The following SMARCAL1 variants were observed in gnomAD, a reference collection of about 807,000 sequenced individuals.
The protein encoded by SMARCAL1 is ATP-driven annealing helicase.
Under a neutral mutation model 94.5 loss-of-function variants are expected in SMARCAL1, and 58 were observed. The observed-to-expected ratio is 0.61, with a 90% CI of 0.50 to 0.76. The LOEUF is 0.76. Ranked by LOEUF, SMARCAL1 falls within the 30% of genes least tolerant of loss-of-function variation. The pLI is 0.00. For missense variants in SMARCAL1, 1,051 were observed against 1,177.9 expected (o/e 0.89, Z 1.58); for synonymous variants, 422 against 455.1 (o/e 0.93, Z 0.93).
rs528033845 is a variant in SMARCAL1, at chr2:216,475,413, G to A, written c.2389G>A (p.Asp797Asn). The A allele has an allele frequency of 1.5e-5, 25 of 1,614,210 alleles. No homozygotes were observed. The East Asian group carries it at 4.2e-4, about 27-fold the overall frequency. ...ANMGLTFSSA[D>N]LVVFAELFWN... ...TATGGGCCTCACCTTCTCCTCGGCT[G>A]ACCTGGTGGTGTTTGCTGAGCTGTT... The change falls in exon 15 of 18, where the codon GAC becomes AAC. Residue 797 changes from aspartate (D) to asparagine (N), a missense_variant. Asp to Asn is a conservative substitution (Grantham distance 23, BLOSUM62 1). Coordinates refer to ENST00000357276, the MANE Select transcript of SMARCAL1 (RefSeq NM_014140.4). The surrounding 1 kb of genome is among the most constrained non-coding windows in gnomAD (Gnocchi z 4.4).
chr2:216,476,332 T>G (rs561442015), intron 15 of SMARCAL1, among the ~76,000 whole-genome samples: 1 of 152,108 alleles, frequency 6.6e-6, no homozygotes, highest in East Asian at 1.9e-4. Context: ...TTCTTTTGCT[T>G]TTTTGAGACA....
intron 10 of SMARCAL1, 118 bp from the exon 11 acceptor site, chr2:216,446,900 G>A (rs557867724): frequency 7.7e-5 from 91 of 1,177,102 alleles, no homozygotes; most frequent in Non-Finnish European, 9.2e-5. Context: ...TTAGGTTCTC[G>A]CGACACGCAC....
At chr2:216,447,426 G>C (rs1184966576) in intron 11 of SMARCAL1, among the ~76,000 whole-genome samples, 3 of 152,096 alleles carry the variant, frequency 2.0e-5, no homozygotes, top group African/African-American at 4.8e-5. Flanking sequence ...TGATGTGTAG[G>C]TATGTGGAGC....
At chr2:216,439,592 G>T (rs1201965014) in intron 10 of SMARCAL1, among the ~76,000 whole-genome samples, 1 of 152,114 alleles carries the variant, frequency 6.6e-6, no homozygotes, top group Admixed American at 6.5e-5. Context: ...AAACAAATAC[G>T]CTGAATGTTA....
rs1220002652 is a variant in SMARCAL1, at chr2:216,413,897, G to A, written c.-59+5G>A. 1.3e-5 allele frequency: 2 copies of A among 152,236 alleles called. No individual in the cohort carries two copies. Among genetic ancestry groups the A allele is most frequent in the Non-Finnish European group, 2.9e-5 (2 of 68,062 alleles). The allele number at this position is 152,236 out of a possible 1,614,324, so 9.4% of individuals were successfully genotyped here. A position where few individuals can be genotyped will look rare whatever the true frequency, so the allele number is the denominator to read the frequency against. On this transcript the variant is annotated splice_donor_5th_base_variant and intron_variant, in intron 2 of 17. Coordinates refer to ENST00000357276, the MANE Select transcript of SMARCAL1 (RefSeq NM_014140.4). ...GTTAGCAAGTGTCACGCCATGGTAT[G>A]TGGTTGGTTGGTCTATTTCAGTCTA...
chr2:216,417,355 C>T (rs1178906880), intron 4 of SMARCAL1, among the ~76,000 whole-genome samples: 2 of 141,944 alleles, frequency 1.4e-5, no homozygotes, highest in African/African-American at 4.8e-5. Context: ...TTAAACAATA[C>T]AAATTTATTT....
In SMARCAL1 at chr2:216,423,614, T is replaced by C. The variant is rs750917119; in HGVS notation, c.1097-19T>C. The C allele has an allele frequency of 6.2e-7, 1 of 1,610,816 alleles. No individual in the cohort carries two copies. Among genetic ancestry groups the C allele is most frequent in the Non-Finnish European group, 8.5e-7 (1 of 1,176,974 alleles). ...AGGGCAGGGTGTCCTATTTGCTTAT[T>C]TATTTCTTGTCATTGCAGATGTCAA... On this transcript the variant is annotated intron_variant, in intron 5 of 17. Coordinates refer to ENST00000357276, the MANE Select transcript of SMARCAL1 (RefSeq NM_014140.4).
chr2:216,420,249 A>G (rs768299463), intron 4 of SMARCAL1, 50 bp from the exon 5 acceptor site: 21 of 1,475,802 alleles, frequency 1.4e-5, no homozygotes, highest in African/African-American at 7.0e-5. Context: ...TCAAAGCCAC[A>G]TCATAGTCCC....
In SMARCAL1 at chr2:216,451,101, A is replaced by T. The variant is rs769244799; in HGVS notation, c.2070+37A>T. 7 of 1,539,368 alleles carry T rather than the reference A, an allele frequency of 4.5e-6. No homozygotes were observed. The African/African-American group carries it at 9.5e-5, about 21-fold the overall frequency. On this transcript the variant is annotated intron_variant, in intron 12 of 17. Coordinates refer to ENST00000357276, the MANE Select transcript of SMARCAL1 (RefSeq NM_014140.4). ...GCTGGAGACAGATTTGGAAGCAGAC[A>T]TGTCTAGGTGTTCCTTTCCATGAGA...
intron 17 of SMARCAL1, among the ~76,000 whole-genome samples, chr2:216,480,920 T>C (rs1193388058): frequency 6.6e-6 from 1 of 151,984 alleles, no homozygotes; most frequent in East Asian, 1.9e-4. Flanking sequence ...CTGTTTGAAA[T>C]GGGAAGAAGC....
rs1364911585 is a variant in SMARCAL1, at chr2:216,475,186, G to A, written c.2245-83G>A. 4.2e-6 allele frequency: 6 copies of A among 1,427,394 alleles called. No homozygotes were observed. Among genetic ancestry groups the A allele is most frequent in the Non-Finnish European group, 5.9e-6 (6 of 1,017,708 alleles). The allele number at this position is 1,427,394 out of a possible 1,614,324, so 88.4% of individuals were successfully genotyped here. A position where few individuals can be genotyped will look rare whatever the true frequency, so the allele number is the denominator to read the frequency against. On this transcript the variant is annotated intron_variant, in intron 14 of 17. Transcript: ENST00000357276. The surrounding 1 kb of genome is among the most constrained non-coding windows in gnomAD (Gnocchi z 4.4). ...CTCTGCTGAGCTGGAACCTGGTTCT[G>A]TGCTGGAGCTGTGGCTGGGTGTGGT...
At chr2:216,435,267 T>A in intron 8 of SMARCAL1, 71 bp from the exon 9 acceptor site, 1 of 1,528,174 alleles carries the variant, frequency 6.5e-7, no homozygotes, top group Non-Finnish European at 9.1e-7. Context: ...GGCATGAGAC[T>A]GCTGCTGTCA....
intron 2 of SMARCAL1, 115 bp downstream of exon 2, chr2:216,414,007 GATAACTCACCTTGGCTGGGCC>G (rs1400748372): frequency 1.3e-5 from 2 of 152,070 alleles, no homozygotes; most frequent in Non-Finnish European, 2.9e-5. Context: ...CTTAGGTTCT[GATAACTCACCTTGGCTGGGCC>G]ATGTGAGTTA....
chr2:216,440,346 T>C (rs532454478), intron 10 of SMARCAL1, among the ~76,000 whole-genome samples: 118 of 152,322 alleles, frequency 7.7e-4, no homozygotes, highest in African/African-American at 2.6e-3. Flanking sequence ...CACTTGTTAA[T>C]GTAGTCATTG....
Position 216,482,718 on chromosome 2 carries a change from G to A in SMARCAL1, c.2626-20G>A. On this transcript the variant is annotated intron_variant, in intron 17 of 17. Transcript: ENST00000357276. This position sits in a 1 kb window ranked among gnomAD's most constrained non-coding sequence, Gnocchi z 4.3. ...GCCTGGGCTCTTCCTTTTATCTTTT[G>A]TTTTCTTTCTCTGATGAAGGACCCA... is the stretch of plus-strand genomic sequence containing the variant. The A allele has an allele frequency of 1.2e-6, 2 of 1,614,142 alleles. No homozygotes were observed. The highest frequency in any genetic ancestry group is 1.7e-6 in the Non-Finnish European group (2 of 1,180,028).
intron 9 of SMARCAL1, among the ~76,000 whole-genome samples, chr2:216,435,906 A>T (rs1694072183): frequency 6.6e-6 from 1 of 152,086 alleles, no homozygotes; most frequent in Non-Finnish European, 1.5e-5. Context: ...CTTCCAGCCA[A>T]TGTGAAGATA....
chr2:216,418,352 C>A (rs1260664420), intron 4 of SMARCAL1, among the ~76,000 whole-genome samples: 1 of 152,170 alleles, frequency 6.6e-6, no homozygotes, highest in Non-Finnish European at 1.5e-5. Context: ...ATGAATTTTT[C>A]TAATTGTTTG....
chr2:216,468,128 A>G (rs926926173), intron 14 of SMARCAL1, 82 bp downstream of exon 14: 2 of 912,620 alleles, frequency 2.2e-6, no homozygotes, highest in African/African-American at 3.3e-5. Context: ...AGATCCAAGC[A>G]AAGTGAGACC....
rs146084305 is a variant in SMARCAL1 at position 216,420,337 on chromosome 2, C to G, written c.901C>G (p.Pro301Ala). Residue 301 changes from proline to alanine, a missense_variant, in exon 5 of 18, where the codon CCT (proline) becomes GCT (alanine). This residue lies in a region of SMARCAL1 where 398 missense variants were observed against 395.2 expected (regional missense o/e 1.01). Coordinates refer to ENST00000357276, the MANE Select transcript of SMARCAL1 (RefSeq NM_014140.4). Reference protein sequence around the residue: ...AQSLPTVNLQPLEWAYGSSES... With the variant: ...AQSLPTVNLQALEWAYGSSES... ...GAGCCTCCCCACGGTCAACCTGCAG[C>G]CTCTGGAATGGGCCTATGGCAGCAG... 2,244 of 1,614,122 alleles carry G rather than the reference C, an allele frequency of 1.4e-3. 20 individuals are homozygous for G. The African/African-American group carries it at 0.025, about 18-fold the overall frequency.
Sources: allele counts gnomAD v4.1 joint callset (sites outside exome capture counted in the v4.1 genomes callset), GRCh38; gene constraint gnomAD v4.1.1; regional missense constraint gnomAD v4.1.1; non-coding constraint Gnocchi (gnomAD v3.1); transcripts MANE v1.5; gene names NCBI Gene and HGNC (gene_info 2026-07-23, HGNC 2026-07-21).